Variants in STON2 observed in about 807,000 individuals in gnomAD.
STON2 encodes stonin-2.
STON2 carries 29 observed loss-of-function variants against 65.7 expected under a neutral mutation model. That is an observed-to-expected ratio of 0.44 (90% CI 0.33 to 0.60). The LOEUF is 0.60. Ranked by LOEUF, STON2 falls within the 20% of genes least tolerant of loss-of-function variation. STON2 has a pLI of 0.03. For missense variants in STON2, 1,054 were observed against 1,118.1 expected (o/e 0.94, Z 0.82); for synonymous variants, 404 against 414.2 (o/e 0.98, Z 0.30).
chr14:81,275,708 G>A (rs759945248), intron 6 of STON2, among the ~76,000 whole-genome samples: 8 of 152,184 alleles, frequency 5.3e-5, no homozygotes, highest in Non-Finnish European at 1.2e-4. Flanking sequence ...TCTTCAGTTT[G>A]CATAGCTACA....
At chr14:81,375,244 C>T (rs1460291068) in intron 3 of STON2, among the ~76,000 whole-genome samples, 1 of 151,942 alleles carries the variant, frequency 6.6e-6, no homozygotes, top group African/African-American at 2.4e-5. Flanking sequence ...TATATCAGTA[C>T]TTAAAAATAA....
At chr14:81,382,926 T>C (rs1332626543) in intron 3 of STON2, among the ~76,000 whole-genome samples, 1 of 152,228 alleles carries the variant, frequency 6.6e-6, no homozygotes, top group East Asian at 1.9e-4. Flanking sequence ...ACACTTTGTT[T>C]ATTTTTCGGC....
intron 3 of STON2, among the ~76,000 whole-genome samples, chr14:81,374,190 A>G (rs1185256022): frequency 2.8e-5 from 4 of 144,624 alleles, no homozygotes; most frequent in African/African-American, 1.0e-4. Context: ...TTTTTTTTTT[A>G]TTTTTAGTAG....
upstream of STON2, among the ~76,000 whole-genome samples, chr14:81,401,787 G>A (rs764309082): frequency 2.0e-5 from 3 of 152,186 alleles, no homozygotes; most frequent in Non-Finnish European, 2.9e-5. Flanking sequence ...AAGGGAGAAT[G>A]CAATTGTCTG....
At chr14:81,287,364 T>C (rs1198350135) in intron 5 of STON2, among the ~76,000 whole-genome samples, 1 of 152,210 alleles carries the variant, frequency 6.6e-6, no homozygotes, top group Non-Finnish European at 1.5e-5. Context: ...GATGCTTCGA[T>C]GCTGGTAAAT....
chr14:81,368,397 C>T (rs1453412545), intron 4 of STON2, among the ~76,000 whole-genome samples: 1 of 152,160 alleles, frequency 6.6e-6, no homozygotes, highest in East Asian at 1.9e-4. Context: ...TCAGTAAGTG[C>T]TAGCTATAAC....
At chr14:81,359,305 T>A (rs1898387576) in intron 4 of STON2, among the ~76,000 whole-genome samples, 1 of 152,050 alleles carries the variant, frequency 6.6e-6, no homozygotes, top group Non-Finnish European at 1.5e-5. Context: ...AAAGAAGAAA[T>A]TAAAAGGATT....
chr14:81,314,049 A>C (rs1896534358), intron 5 of STON2, among the ~76,000 whole-genome samples: 1 of 152,238 alleles, frequency 6.6e-6, no homozygotes, highest in Non-Finnish European at 1.5e-5. Context: ...AGTGCCTTGC[A>C]AATTGTAAGA....
At chr14:81,343,824 CATTATT>C (rs148583781) in intron 4 of STON2, among the ~76,000 whole-genome samples, 2 of 152,150 alleles carry the variant, frequency 1.3e-5, no homozygotes, top group African/African-American at 4.8e-5. Context: ...GTATTGTCAT[CATTATT>C]ATTATTATTT....
chr14:81,307,086 T>C (rs916195716), intron 5 of STON2, among the ~76,000 whole-genome samples: 4 of 152,218 alleles, frequency 2.6e-5, no homozygotes, highest in African/African-American at 7.2e-5. Flanking sequence ...GTTTGGGGAA[T>C]CATCTCAGTG....
chr14:81,369,824 CCT>C (rs758453498), intron 4 of STON2, among the ~76,000 whole-genome samples: 5 of 152,240 alleles, frequency 3.3e-5, no homozygotes, highest in Non-Finnish European at 7.4e-5. Context: ...GCAAGCTCAG[CCT>C]CTCTTCCTAA....
Position 81,265,338 on chromosome 14 carries a change from G to A in STON2, c.*3076C>T. The A allele has an allele frequency of 2.0e-6, 2 of 984,468 alleles. No individual in the cohort carries two copies. Among genetic ancestry groups the A allele is most frequent in the Non-Finnish European group, 2.4e-6 (2 of 829,170 alleles). The allele number at this position is 984,468 out of a possible 1,614,324, so 61.0% of individuals were successfully genotyped here. On this transcript the variant is annotated 3_prime_UTR_variant, in exon 8 of 8. Transcript: ENST00000614646. ...GGGAAAACAAATTTGATGAAATTAA[G>A]ATGTTAGGTTTTTAAAAATTAATAA...
intron 4 of STON2, among the ~76,000 whole-genome samples, chr14:81,332,635 C>T (rs1897251516): frequency 2.0e-5 from 3 of 152,148 alleles, no homozygotes; most frequent in Admixed American, 2.0e-4. Context: ...AATTGACAAG[C>T]AGACTTTCTG....
At chr14:81,418,005 G>A (rs1901523670) in intron 2 of STON2, among the ~76,000 whole-genome samples, 1 of 152,240 alleles carries the variant, frequency 6.6e-6, no homozygotes. Flanking sequence ...ACTTGAGAAA[G>A]CTTGCAGAGT....
intron 4 of STON2, among the ~76,000 whole-genome samples, chr14:81,343,371 C>G (rs1368324720): frequency 6.6e-6 from 1 of 152,142 alleles, no homozygotes; most frequent in Non-Finnish European, 1.5e-5. Flanking sequence ...ACAAATCAGT[C>G]CTGGGGAGGG....
At chr14:81,430,134 C>A (rs1477723323) in intron 1 of STON2, among the ~76,000 whole-genome samples, 1 of 152,082 alleles carries the variant, frequency 6.6e-6, no homozygotes, top group African/African-American at 2.4e-5. Context: ...CCATCCAGCC[C>A]GGAGTAGCTG....
At chr14:81,363,751 G>A (rs1007802553) in intron 4 of STON2, among the ~76,000 whole-genome samples, 1 of 152,142 alleles carries the variant, frequency 6.6e-6, no homozygotes, top group East Asian at 1.9e-4. Context: ...ACTTGTTTCT[G>A]TTATCCAAGC....
rs549149962 is a variant in STON2 at position 81,274,411 on chromosome 14, C to T, written c.2581+2490G>A. 7.2e-5 allele frequency among the ~76,000 whole-genome samples: 11 copies of T among 152,244 alleles called. No individual in the cohort carries two copies. In the South Asian group the frequency reaches 1.7e-3, roughly 23 times the overall value. On this transcript the variant is annotated intron_variant, in intron 6 of 7. Coordinates refer to ENST00000614646, the MANE Select transcript of STON2 (RefSeq NM_001394390.1). ...ACAGCATATAAGCTGCATTTACTTGCCCTTGAGGCAACAGAACACTCTCCA... is the reference window on the plus strand; with the variant it reads ...ACAGCATATAAGCTGCATTTACTTGTCCTTGAGGCAACAGAACACTCTCCA...
At chr14:81,408,005 T>G (rs1900952758) in intron 2 of STON2, among the ~76,000 whole-genome samples, 2 of 152,128 alleles carry the variant, frequency 1.3e-5, no homozygotes, top group Non-Finnish European at 2.9e-5. Context: ...AAGGCCCCAT[T>G]ACCCTGTGAG....
Sources: allele counts gnomAD v4.1 joint callset (sites outside exome capture counted in the v4.1 genomes callset), GRCh38; gene constraint gnomAD v4.1.1; transcripts MANE v1.5; gene names NCBI Gene and HGNC (gene_info 2026-07-23, HGNC 2026-07-21).